Variants in MGAM observed in about 807,000 individuals in gnomAD.
The protein encoded by MGAM is alpha-1,4-glucosidase.
Under a neutral mutation model 358.8 loss-of-function variants are expected in MGAM, and 253 were observed. That is an observed-to-expected ratio of 0.71 (90% CI 0.64 to 0.78). The LOEUF is 0.78. Ranked by LOEUF, MGAM falls within the 30% of genes least tolerant of loss-of-function variation. The probability of loss-of-function intolerance (pLI) is 0.00; values close to 1 mark genes in which losing one functional copy is unlikely to be tolerated. For missense variants in MGAM, 3,080 were observed against 3,432.6 expected, an observed-to-expected ratio of 0.90 and a Z score of 2.57; for synonymous variants, 1,105 against 1,227.1, an observed-to-expected ratio of 0.90 and a Z score of 2.08.
intron 45 of MGAM, 61 bp from the exon 46 acceptor site, chr7:142,076,142 T>G: frequency 3.9e-6 from 5 of 1,287,116 alleles, no homozygotes; most frequent in Non-Finnish European, 5.6e-6. Context: ...AGTGGGAGTG[T>G]GAAATCTGTT....
rs534942513 is a variant in MGAM at position 142,097,803 on chromosome 7, C to T, written c.7749+154C>T. 1.1e-4 allele frequency among the ~76,000 whole-genome samples: 16 copies of T among 152,318 alleles called. No homozygotes were observed. The South Asian group carries it at 3.3e-3, about 32-fold the overall frequency. On this transcript the variant is annotated intron_variant, in intron 66 of 70. Coordinates refer to ENST00000475668, the MANE Select transcript of MGAM (RefSeq NM_001365693.1). ...TTAACCCTTGTAACCTCGGTTTTCT[C>T]ACCTCCAAGTGGAGTAAGACCACTT...
At chr7:142,014,581 G>A (rs983394495) in intron 3 of MGAM, among the ~76,000 whole-genome samples, 2 of 151,894 alleles carry the variant, frequency 1.3e-5, no homozygotes, top group Non-Finnish European at 2.9e-5. Context: ...AGTCCCCCAC[G>A]CATATCCCTT....
At chr7:142,038,184 C>T (rs967040482) in intron 18 of MGAM, among the ~76,000 whole-genome samples, 5 of 152,226 alleles carry the variant, frequency 3.3e-5, no homozygotes, top group Admixed American at 2.6e-4. Flanking sequence ...TTTCATGTAA[C>T]GTAATGATCT....
intron 24 of MGAM, among the ~76,000 whole-genome samples, chr7:142,051,883 C>T (rs1170361110): frequency 6.6e-6 from 1 of 152,074 alleles, no homozygotes; most frequent in Non-Finnish European, 1.5e-5. Flanking sequence ...TCATATGATT[C>T]TTATTGCTGT....
chr7:142,084,123 A>G (rs1814562259), intron 53 of MGAM, among the ~76,000 whole-genome samples: 1 of 146,234 alleles, frequency 6.8e-6, no homozygotes, highest in Non-Finnish European at 1.5e-5. Context: ...AAGGACTGTG[A>G]GGGAGATGCT....
At chr7:142,022,657 G>A (rs1378456601) in intron 7 of MGAM, among the ~76,000 whole-genome samples, 6 of 152,118 alleles carry the variant, frequency 3.9e-5, no homozygotes, top group Non-Finnish European at 4.4e-5. Flanking sequence ...TATCTCAATA[G>A]GGTTGTGGTG....
intron 67 of MGAM, among the ~76,000 whole-genome samples, chr7:142,100,359 C>T (rs1816333058): frequency 6.6e-6 from 1 of 152,188 alleles, no homozygotes; most frequent in Non-Finnish European, 1.5e-5. Context: ...CTAAAATTCA[C>T]ATCTCTCTGG....
chr7:142,042,905 C>A (rs181640797), intron 21 of MGAM, among the ~76,000 whole-genome samples: 1,471 of 32,730 alleles, frequency 0.045, 5 homozygotes, highest in Non-Finnish European at 0.055. Flanking sequence ...AATATAATAT[C>A]TATATTATAT....
chr7:142,040,896 C>A (rs985143599), intron 21 of MGAM, 50 bp downstream of exon 21: 29 of 1,541,472 alleles, frequency 1.9e-5, no homozygotes, highest in Non-Finnish European at 2.5e-5. Flanking sequence ...TTGCTTAAAC[C>A]CTTTGAATTT....
chr7:142,075,367 C>T (rs12333515), intron 45 of MGAM, among the ~76,000 whole-genome samples: 64,098 of 144,610 alleles, frequency 0.44, 18,193 homozygotes, highest in Middle Eastern at 0.61. Context: ...ACCTCCTTGA[C>T]GTAGTCTTGG....
chr7:142,030,425 G>A lies in MGAM; in HGVS notation c.1285G>A (p.Asp429Asn), dbSNP rs781908862. ...ERRDFTYDSV[D>N]FKGFPEFVNE... is the part of the protein sequence containing the mutation. Reference sequence around the variant, plus strand: ...AAGGGACTTCACTTATGATTCAGTGGATTTTAAAGGCTTCCCTGAATTTGT... The same window carrying A: ...AAGGGACTTCACTTATGATTCAGTGAATTTTAAAGGCTTCCCTGAATTTGT... The change falls in exon 11 of 71, where the codon GAT (aspartate) becomes AAT (asparagine). Residue 429 changes from aspartate to asparagine, a missense_variant. By Grantham distance (23) the Asp-to-Asn change is conservative. This residue lies in a region of MGAM where 1,816 missense variants were observed against 1,840.5 expected (regional missense o/e 0.99). Coordinates refer to ENST00000475668, the MANE Select transcript of MGAM (RefSeq NM_001365693.1). 1.2e-6 allele frequency: 2 copies of A among 1,613,506 alleles called. No individual in the cohort carries two copies. Among genetic ancestry groups the A allele is most frequent in the South Asian group, 2.2e-5 (2 of 91,060 alleles).
intron 3 of MGAM, among the ~76,000 whole-genome samples, chr7:142,013,812 C>A (rs1260986605): frequency 3.9e-5 from 6 of 152,148 alleles, no homozygotes; most frequent in African/African-American, 1.2e-4. Context: ...CCCACAAGCA[C>A]CTGGGGCTTC....
At chr7:142,040,685 G>A (rs375469112) in intron 20 of MGAM, 37 bp from the exon 21 acceptor site, 2 of 1,608,462 alleles carry the variant, frequency 1.2e-6, no homozygotes, top group African/African-American at 1.3e-5. Flanking sequence ...GCAATATGCT[G>A]TCATGCCAAT....
chr7:142,025,009 T>G (rs782694702), intron 7 of MGAM, 41 bp from the exon 8 acceptor site: 3 of 1,445,792 alleles, frequency 2.1e-6, no homozygotes, highest in Admixed American at 1.7e-5. Flanking sequence ...ATGCTGAGAC[T>G]TCTTAGTTGT....
intron 19 of MGAM, among the ~76,000 whole-genome samples, chr7:142,039,005 G>A (rs543578215): frequency 6.6e-6 from 1 of 152,194 alleles, no homozygotes; most frequent in Non-Finnish European, 1.5e-5. Context: ...TTCTAGGGAG[G>A]CCTCAGGAAG....
chr7:142,099,524 G>A, intron 66 of MGAM, 89 bp from the exon 67 acceptor site: 1 of 1,597,040 alleles, frequency 6.3e-7, no homozygotes. Flanking sequence ...CATAAGTTCA[G>A]AAGGGAGGAT....
chr7:142,102,786 T>G (rs999503780), intron 69 of MGAM, 107 bp downstream of exon 69: 2 of 1,102,930 alleles, frequency 1.8e-6, no homozygotes, highest in Non-Finnish European at 2.6e-6. Flanking sequence ...TTGCTCATCT[T>G]GCTAATTCAC....
rs1351301352 is a variant in MGAM, at chr7:142,059,954, T to G, written c.4047T>G (p.Ile1349Met). The G allele has an allele frequency of 6.2e-7, 1 of 1,604,772 alleles. No homozygotes were observed. Among genetic ancestry groups the G allele is most frequent in the African/African-American group, 1.3e-5 (1 of 74,788 alleles). Residue 1349 changes from isoleucine (I) to methionine (M), a missense_variant, in exon 33 of 71, where the codon ATT (isoleucine) becomes ATG (methionine). Ile to Met is a conservative substitution (Grantham distance 10). Around this residue, in one of 5 missense-constraint regions of MGAM, gnomAD observed 1,816 missense variants for 1,840.5 expected, o/e 0.99. Coordinates refer to ENST00000475668, the MANE Select transcript of MGAM (RefSeq NM_001365693.1). ...TCAAATACCCAAATGATGGAGACAT[T>G]GTCTGGGGAAAGGTATAATCCTAAG... ...VFIKYPNDGD[I>M]VWGKVWPDFP... is the part of the protein sequence containing the mutation.
chr7:142,037,116 T>C, intron 18 of MGAM, 139 bp downstream of exon 18: 3 of 872,824 alleles, frequency 3.4e-6, no homozygotes, highest in Middle Eastern at 2.4e-4. Context: ...AATCTAGCTA[T>C]CTATATTCAT....
Sources: allele counts gnomAD v4.1 joint callset (sites outside exome capture counted in the v4.1 genomes callset), GRCh38; gene constraint gnomAD v4.1.1; regional missense constraint gnomAD v4.1.1; transcripts MANE v1.5; gene names NCBI Gene and HGNC (gene_info 2026-07-23, HGNC 2026-07-21).